Variants in PDE10A observed in about 807,000 individuals in gnomAD.
The protein encoded by PDE10A is cAMP and cAMP-inhibited cGMP 3',5'-cyclic phosphodiesterase 10A.
A neutral mutation model predicts 97.7 loss-of-function variants in PDE10A; 39 were observed. The ratio of observed to expected loss-of-function variants is 0.40; its 90% confidence interval spans 0.31 to 0.52. The LOEUF (loss-of-function observed/expected upper bound fraction) is 0.52. Ranked by LOEUF, PDE10A falls within the 20% of genes least tolerant of loss-of-function variation. The pLI is 0.56. For synonymous variants in PDE10A, 371 were observed against 376.8 expected (o/e 0.98, Z 0.18); for missense variants, 731 against 1,047.8 (o/e 0.70, Z 4.17).
intron 1 of PDE10A, among the ~76,000 whole-genome samples, chr6:165,691,106 T>TCTCCCTCCC (rs143783728): frequency 5.1e-5 from 2 of 39,094 alleles, no homozygotes; most frequent in African/African-American, 1.1e-4. Context: ...TCTTTCTCTC[T>TCTCCCTCCC]CCCCCCCCCC....
At chr6:165,946,295 G>A (rs1354127834) in intron 1 of PDE10A, among the ~76,000 whole-genome samples, 1 of 152,126 alleles carries the variant, frequency 6.6e-6, no homozygotes, top group Non-Finnish European at 1.5e-5. Flanking sequence ...AGGAGATTGA[G>A]ACCATCCTGG....
rs1241491139 is a variant in PDE10A at position 165,823,535 on chromosome 6, T to C, written c.-615+163994A>G. 2.0e-3 allele frequency among the ~76,000 whole-genome samples: 167 copies of C among 83,262 alleles called. No homozygotes were observed. In the Middle Eastern group the frequency reaches 0.025, roughly 13 times the overall value. The allele number at this position is 83,262 out of a possible 152,430, so 54.6% of individuals were successfully genotyped here. A position where few individuals can be genotyped will look rare whatever the true frequency, so the allele number is the denominator to read the frequency against. On this transcript the variant is annotated intron_variant, in intron 1 of 19. Coordinates refer to the PDE10A transcript ENST00000366882. ...ATATATATATATATATGAACCTTAATTATAAATATTATATAGAAATATATG... is the reference window on the plus strand; with the variant it reads ...ATATATATATATATATGAACCTTAACTATAAATATTATATAGAAATATATG...
At chr6:165,618,220 C>T (rs1340482153) in intron 1 of PDE10A, among the ~76,000 whole-genome samples, 1 of 152,176 alleles carries the variant, frequency 6.6e-6, no homozygotes, top group African/African-American at 2.4e-5. Context: ...CTCAATCCAA[C>T]ATAATTGTGT....
intron 1 of PDE10A, among the ~76,000 whole-genome samples, chr6:165,825,012 G>A (rs888412486): frequency 1.4e-4 from 21 of 150,106 alleles, no homozygotes; most frequent in African/African-American, 5.1e-4. Context: ...AGCTGGGCAT[G>A]GTGGCAGTCA....
At chr6:165,708,403 C>G (rs952486820) in intron 1 of PDE10A, among the ~76,000 whole-genome samples, 1 of 151,950 alleles carries the variant, frequency 6.6e-6, no homozygotes, top group Non-Finnish European at 1.5e-5. Flanking sequence ...ATGCATCTTC[C>G]CAGGACCCAC....
intron 3 of PDE10A, among the ~76,000 whole-genome samples, chr6:165,460,777 A>C (rs1174243448): frequency 6.6e-6 from 1 of 152,220 alleles, no homozygotes; most frequent in African/African-American, 2.4e-5. Context: ...AATGGGGAGC[A>C]CAAGTTCTAA....
intron 1 of PDE10A, chr6:165,780,692 G>C (rs1336607529): frequency 6.6e-6 from 1 of 152,244 alleles, no homozygotes; most frequent in African/African-American, 2.4e-5. Context: ...GAGAAATAAC[G>C]ATTGGGCTTA....
chr6:165,677,879 A>G (rs2128438498), intron 1 of PDE10A, among the ~76,000 whole-genome samples: 1 of 150,964 alleles, frequency 6.6e-6, no homozygotes, highest in South Asian at 2.1e-4. Flanking sequence ...TTTGTGTTTG[A>G]GTGTATATGC....
chr6:165,465,511 T>C (rs1329865725), intron 3 of PDE10A, among the ~76,000 whole-genome samples: 1 of 152,184 alleles, frequency 6.6e-6, no homozygotes, highest in Non-Finnish European at 1.5e-5. Flanking sequence ...AACAAGGCAC[T>C]GTATTAGTTC....
In PDE10A at chr6:165,467,300, A is replaced by G. The variant is rs577061231; in HGVS notation, c.1023+15015T>C. Among the ~76,000 whole-genome samples the G allele has an allele frequency of 5.9e-5, 9 of 152,372 alleles. No homozygotes were observed. The East Asian group carries it at 1.7e-3, about 29-fold the overall frequency. ...GCTAAGATAATGGATGAAAGTGGCT[A>G]TCCTAGAGAGTGGATTTTCAAAGCA... is the stretch of plus-strand genomic sequence containing the variant. On this transcript the variant is annotated intron_variant, in intron 3 of 21. Coordinates refer to ENST00000539869, the MANE Select transcript of PDE10A (RefSeq NM_001385079.1).
intron 3 of PDE10A, among the ~76,000 whole-genome samples, chr6:165,464,088 C>T (rs1288534912): frequency 6.6e-6 from 1 of 152,172 alleles, no homozygotes; most frequent in Admixed American, 6.5e-5. Flanking sequence ...CCCCTGATTT[C>T]CCACTTCACA....
rs551720073 is a variant in PDE10A, at chr6:165,902,623, C to T, written c.-615+84906G>A. The stretch of plus-strand genomic sequence containing the variant: ...CTGACACTGGAATTTGTGAGCCCAT[C>T]TAGAGAAGGAAGTTCTAGGAGGTGG... On this transcript the variant is annotated intron_variant, in intron 1 of 19. Coordinates refer to the PDE10A transcript ENST00000366882. 9.4e-4 allele frequency among the ~76,000 whole-genome samples: 142 copies of T among 151,752 alleles called. No individual in the cohort carries two copies. In the East Asian group the frequency reaches 0.025, roughly 27 times the overall value.
intron 1 of PDE10A, among the ~76,000 whole-genome samples, chr6:165,636,775 G>C (rs1788899359): frequency 1.3e-5 from 2 of 152,214 alleles, no homozygotes; most frequent in Admixed American, 6.5e-5. Context: ...TTGATGCCCT[G>C]TGTTTGCTTG....
At chr6:165,592,049 C>T (rs564947689) in intron 1 of PDE10A, among the ~76,000 whole-genome samples, 1 of 152,310 alleles carries the variant, frequency 6.6e-6, no homozygotes, top group Non-Finnish European at 1.5e-5. Context: ...TCCCTGACTT[C>T]AAACTATACT....
intron 1 of PDE10A, among the ~76,000 whole-genome samples, chr6:165,845,576 T>A (rs1029565361): frequency 6.6e-6 from 1 of 152,296 alleles, no homozygotes; most frequent in Admixed American, 6.5e-5. Flanking sequence ...TCAGTTCTGT[T>A]GGAATCTAGA....
intron 13 of PDE10A, among the ~76,000 whole-genome samples, chr6:165,408,292 CTA>C (rs1787377469): frequency 1.3e-5 from 2 of 152,168 alleles, no homozygotes; most frequent in African/African-American, 2.4e-5. Flanking sequence ...TGTATGTTCT[CTA>C]GAAAGTAGAA....
At chr6:165,541,734 C>A (rs1783451766) in intron 2 of PDE10A, among the ~76,000 whole-genome samples, 1 of 152,108 alleles carries the variant, frequency 6.6e-6, no homozygotes. Flanking sequence ...CTATGTCAAG[C>A]TTTCTTTAAG....
At chr6:165,839,941 T>G (rs1412170617) in intron 1 of PDE10A, among the ~76,000 whole-genome samples, 124 of 29,452 alleles carry the variant, frequency 4.2e-3, no homozygotes, top group East Asian at 5.4e-3. Flanking sequence ...ATTCTTATCT[T>G]CATTTCCATC....
chr6:165,839,510 G>T (rs2128472587), intron 1 of PDE10A, among the ~76,000 whole-genome samples: 1 of 152,260 alleles, frequency 6.6e-6, no homozygotes, highest in South Asian at 2.1e-4. Context: ...CTTCTGGAGA[G>T]TTCCAGTCCC....
Sources: allele counts gnomAD v4.1 joint callset (sites outside exome capture counted in the v4.1 genomes callset), GRCh38; gene constraint gnomAD v4.1.1; transcripts MANE v1.5; gene names NCBI Gene and HGNC (gene_info 2026-07-23, HGNC 2026-07-21).